Variants in SWAP70 observed in about 807,000 individuals in gnomAD.
SWAP70 encodes switching B cell complex subunit SWAP70, also known as switch-associated protein 70.
A neutral mutation model predicts 80.2 loss-of-function variants in SWAP70; 34 were observed. That is an observed-to-expected ratio of 0.42 (90% CI 0.32 to 0.56). The LOEUF is 0.56. Among genes scored for constraint, SWAP70 ranks in the 20% least tolerant of loss-of-function variants. The pLI, the probability that SWAP70 is intolerant of heterozygous loss-of-function variation, is 0.09. For missense variants in SWAP70, 578 were observed against 690.7 expected (o/e 0.84, Z 1.83); for synonymous variants, 239 against 238.5 (o/e 1.00, Z -0.02).
intron 2 of SWAP70, among the ~76,000 whole-genome samples, chr11:9,696,392 A>G (rs1850757278): frequency 6.6e-6 from 1 of 152,226 alleles, no homozygotes. Flanking sequence ...TGAAATAAAA[A>G]GTGAACGTTG....
chr11:9,671,600 ATT>A (rs1462302406), intron 1 of SWAP70, among the ~76,000 whole-genome samples: 7 of 11,992 alleles, frequency 5.8e-4, no homozygotes, highest in African/African-American at 9.6e-4. Context: ...ATATAAATAT[ATT>A]TATATAGAAA....
chr11:9,675,889 A>G (rs973241504), intron 1 of SWAP70, among the ~76,000 whole-genome samples: 1 of 151,514 alleles, frequency 6.6e-6, no homozygotes, highest in Non-Finnish European at 1.5e-5. Flanking sequence ...GCACGTTCAT[A>G]GAAGTCATCA....
At chr11:9,697,720 T>C (rs1010484906) in intron 2 of SWAP70, among the ~76,000 whole-genome samples, 2 of 152,244 alleles carry the variant, frequency 1.3e-5, no homozygotes, top group African/African-American at 4.8e-5. Flanking sequence ...TACAAGTTCC[T>C]GATCTTTCTT....
chr11:9,749,012 A>C, intron 10 of SWAP70, 75 bp from the exon 11 acceptor site: 3 of 796,776 alleles, frequency 3.8e-6, no homozygotes, highest in South Asian at 1.7e-5. Context: ...AATACATAGT[A>C]AGGGCCCAAT....
intron 5 of SWAP70, among the ~76,000 whole-genome samples, chr11:9,728,892 C>G (rs970346451): frequency 2.2e-4 from 34 of 152,280 alleles, no homozygotes; most frequent in Middle Eastern, 3.4e-3. Context: ...CCAGTTTACT[C>G]ATAAACATAT....
At chr11:9,731,023 C>G (rs1054635879) in intron 6 of SWAP70, among the ~76,000 whole-genome samples, 3 of 152,156 alleles carry the variant, frequency 2.0e-5, no homozygotes, top group Non-Finnish European at 4.4e-5. Context: ...TTAGTGAGAA[C>G]ATTCATTATT....
intron 1 of SWAP70, among the ~76,000 whole-genome samples, chr11:9,679,962 C>T (rs186564790): frequency 6.6e-5 from 10 of 152,312 alleles, no homozygotes; most frequent in Non-Finnish European, 1.3e-4. Context: ...AGCCACTGCA[C>T]GCGGCCTGCT....
chr11:9,738,144 GTC>G, intron 7 of SWAP70, 67 bp from the exon 8 acceptor site: 20 of 1,063,216 alleles, frequency 1.9e-5, no homozygotes, highest in Non-Finnish European at 2.4e-5. Context: ...AAGTATGACT[GTC>G]TCTCTCTCTT....
chr11:9,740,445 C>A, intron 9 of SWAP70, 98 bp downstream of exon 9: 1 of 1,275,184 alleles, frequency 7.8e-7, no homozygotes, highest in South Asian at 1.2e-5. Flanking sequence ...GGAGAAGTGT[C>A]TCTGCTCTGG....
chr11:9,725,154 A>G (rs1851192453), intron 4 of SWAP70: 2 of 349,606 alleles, frequency 5.7e-6, no homozygotes, highest in Non-Finnish European at 1.0e-5. Context: ...ATTTTTGTAT[A>G]TTTAGTAGAG....
intron 1 of SWAP70, among the ~76,000 whole-genome samples, chr11:9,670,357 A>T: frequency 6.6e-6 from 1 of 152,170 alleles, no homozygotes; most frequent in East Asian, 1.9e-4. Flanking sequence ...AATGGTTTTT[A>T]ATAGAAGTGG....
At chr11:9,723,595 T>C (rs957056598) in intron 3 of SWAP70, among the ~76,000 whole-genome samples, 2 of 152,118 alleles carry the variant, frequency 1.3e-5, no homozygotes, top group African/African-American at 2.4e-5. Flanking sequence ...AAATCAATAA[T>C]ACAGCGGGGA....
chr11:9,733,767 T>G (rs1416921196), intron 7 of SWAP70, among the ~76,000 whole-genome samples: 2 of 152,166 alleles, frequency 1.3e-5, no homozygotes, highest in Non-Finnish European at 2.9e-5. Context: ...TTCCTTCCAC[T>G]GTGCACACAT....
At chr11:9,733,287 A>G (rs1851323521) in intron 7 of SWAP70, among the ~76,000 whole-genome samples, 1 of 152,216 alleles carries the variant, frequency 6.6e-6, no homozygotes, top group Non-Finnish European at 1.5e-5. Flanking sequence ...AGTCCCCAGT[A>G]TATGGATATG....
intron 1 of SWAP70, among the ~76,000 whole-genome samples, chr11:9,683,990 AT>A (rs1435622881): frequency 1.3e-5 from 2 of 151,364 alleles, no homozygotes; most frequent in African/African-American, 2.4e-5. Flanking sequence ...CACATTTGTG[AT>A]TTTTTTTCAT....
intron 1 of SWAP70, among the ~76,000 whole-genome samples, chr11:9,672,230 A>G (rs376528854): frequency 8.8e-5 from 2 of 22,794 alleles, no homozygotes; most frequent in Non-Finnish European, 2.3e-4. Context: ...TATATATATG[A>G]TTGTAAAGTA....
At chr11:9,693,688 C>T (rs558211468) in intron 1 of SWAP70, among the ~76,000 whole-genome samples, 23 of 152,236 alleles carry the variant, frequency 1.5e-4, no homozygotes, top group African/African-American at 5.5e-4. Flanking sequence ...GTGACTTGCC[C>T]AGGTCAGCCT....
At position 9,714,878 on chromosome 11, in the gene SWAP70, T is replaced by A. The variant is rs1851045781; in HGVS notation, c.414+1239T>A. Among the ~76,000 whole-genome samples the A allele has an allele frequency of 2.7e-5, 4 of 147,014 alleles. No individual in the cohort carries two copies. In the South Asian group the frequency reaches 8.8e-4, roughly 32 times the overall value. On this transcript the variant is annotated intron_variant, in intron 3 of 11. Coordinates refer to ENST00000318950, the MANE Select transcript of SWAP70 (RefSeq NM_015055.4). ...CCCAGGCTGTAGTGCAATGGCGCAA[T>A]CTCGGCTTATTGCAGCCTCCACCTC...
At chr11:9,728,854 A>T (rs115118590) in intron 5 of SWAP70, among the ~76,000 whole-genome samples, 2,039 of 151,674 alleles carry the variant, frequency 0.013, 24 homozygotes, top group African/African-American at 0.03. Context: ...ATTTAACTAA[A>T]CATGGAGATC....
Sources: allele counts gnomAD v4.1 joint callset (sites outside exome capture counted in the v4.1 genomes callset), GRCh38; gene constraint gnomAD v4.1.1; transcripts MANE v1.5; gene names NCBI Gene and HGNC (gene_info 2026-07-23, HGNC 2026-07-21).